LGALS3: variants seen among roughly 807,000 people sequenced by gnomAD.
The protein encoded by LGALS3 is galectin-3.
In LGALS3, 18 loss-of-function variants were observed where a neutral mutation model predicts 20.7. The observed-to-expected ratio is 0.87, with a 90% CI of 0.60 to 1.29. The LOEUF (loss-of-function observed/expected upper bound fraction) is 1.29, where lower values mean the gene tolerates loss of function less well. Among genes scored for constraint, LGALS3 ranks in the 50% most tolerant of loss-of-function variants. The pLI is 0.00. For missense variants in LGALS3, 315 were observed against 314.7 expected, an observed-to-expected ratio of 1.00 and a Z score of -0.01; for synonymous variants, 112 against 119.6, an observed-to-expected ratio of 0.94 and a Z score of 0.42.
intron 1 of LGALS3, among the ~76,000 whole-genome samples, chr14:55,136,393 A>G (rs1881395565): frequency 2.0e-5 from 3 of 151,828 alleles, no homozygotes. Flanking sequence ...TCTTAGAAGT[A>G]AGCTTTCTGG....
chr14:55,136,336 T>C (rs1477321872), intron 1 of LGALS3, among the ~76,000 whole-genome samples: 1 of 152,026 alleles, frequency 6.6e-6, no homozygotes, highest in African/African-American at 2.4e-5. Flanking sequence ...ACATACAAAC[T>C]TCAGCTCCCC....
Position 55,140,292 on chromosome 14 carries a change from G to A in LGALS3, c.360G>A (p.Leu120=). 6.2e-7 allele frequency: 1 copy of A among 1,613,080 alleles called. No homozygotes were observed. The change falls in exon 4 of 6, where the codon CTG becomes CTA. Residue 120 remains leucine (L), a synonymous_variant. Transcript: ENST00000254301. Reference sequence around the variant, plus strand: ...ATTCCCAGATTGTGCCTTATAACCTGCCTTTGCCTGGGGGAGTGGTGCCTC... The same window carrying A: ...ATTCCCAGATTGTGCCTTATAACCTACCTTTGCCTGGGGGAGTGGTGCCTC... ...PAGPLIVPYN[L]PLPGGVVPRM...
intron 4 of LGALS3, 64 bp downstream of exon 4, chr14:55,140,427 C>T: frequency 9.6e-7 from 1 of 1,041,294 alleles, no homozygotes; most frequent in Non-Finnish European, 1.4e-6. Context: ...AAAGAATGGC[C>T]TACTTTTTTT....
intron 3 of LGALS3, 95 bp downstream of exon 3, chr14:55,138,463 G>A: frequency 7.7e-7 from 1 of 1,290,650 alleles, no homozygotes; most frequent in South Asian, 1.2e-5. Context: ...ACTTCTCAAG[G>A]GCCAGCCATG....
chr14:55,132,091 T>G (rs1881248730), intron 1 of LGALS3, among the ~76,000 whole-genome samples: 1 of 152,226 alleles, frequency 6.6e-6, no homozygotes, highest in Non-Finnish European at 1.5e-5. Context: ...ACAACTGGAC[T>G]GATTGCTGGG....
chr14:55,143,479 T>A (rs1441495249), intron 5 of LGALS3: 1 of 343,246 alleles, frequency 2.9e-6, no homozygotes, highest in Non-Finnish European at 5.7e-6. Context: ...TGGAGTACAG[T>A]GGCACGATCT....
chr14:55,143,794 C>T (rs1881717652), intron 5 of LGALS3: 1 of 151,954 alleles, frequency 6.6e-6, no homozygotes, highest in African/African-American at 2.4e-5. Context: ...AGAATAGAAA[C>T]ACTCCAACCT....
chr14:55,142,741 C>T lies in LGALS3; in HGVS notation c.589C>T (p.Pro197Ser). ...QSVFPFESGKPFKIQVLVEPD... is the reference protein window; with the variant it reads ...QSVFPFESGKSFKIQVLVEPD... The stretch of plus-strand genomic sequence containing the variant: ...GGTTTTCCCATTTGAAAGTGGGAAA[C>T]CATTCAAAGTAAGTTATTGCTACTA... Residue 197 changes from proline (P) to serine (S), a missense_variant, in exon 5 of 6, where the codon CCA (proline) becomes TCA (serine). Pro to Ser is a moderately conservative substitution (Grantham distance 74). Transcript: ENST00000254301. The T allele has an allele frequency of 1.2e-6, 2 of 1,611,116 alleles. No homozygotes were observed. The highest frequency in any genetic ancestry group is 3.3e-5 in the Admixed American group (2 of 59,988).
intron 3 of LGALS3, 69 bp from the exon 4 acceptor site, chr14:55,140,206 T>C: frequency 1.0e-6 from 1 of 986,470 alleles, no homozygotes; most frequent in East Asian, 2.5e-5. Context: ...GATGGAACTT[T>C]AGCAACATCG....
At chr14:55,132,784 G>C (rs1400613008) in intron 1 of LGALS3, among the ~76,000 whole-genome samples, 1 of 152,040 alleles carries the variant, frequency 6.6e-6, no homozygotes, top group Non-Finnish European at 1.5e-5. Flanking sequence ...GGCCAGGCTG[G>C]TCTCAAAACC....
chr14:55,133,353 G>A (rs572845069), intron 1 of LGALS3, among the ~76,000 whole-genome samples: 41 of 152,166 alleles, frequency 2.7e-4, no homozygotes, highest in African/African-American at 8.4e-4. Flanking sequence ...TATTTTCAGG[G>A]GATGCATTCC....
At chr14:55,137,830 G>A in intron 2 of LGALS3, 1 of 1,300,890 alleles carries the variant, frequency 7.7e-7, no homozygotes, top group Admixed American at 3.7e-5. Context: ...TGAGACGTTG[G>A]GAGGCAAGAA....
At chr14:55,131,846 A>T (rs966454028) in intron 1 of LGALS3, among the ~76,000 whole-genome samples, 13 of 152,210 alleles carry the variant, frequency 8.5e-5, no homozygotes, top group Non-Finnish European at 1.5e-4. Context: ...CTAGGAAAGG[A>T]CCAGTTCCCC....
intron 4 of LGALS3, among the ~76,000 whole-genome samples, chr14:55,141,013 A>G (rs1881604561): frequency 6.6e-6 from 1 of 152,200 alleles, no homozygotes; most frequent in South Asian, 2.1e-4. Flanking sequence ...CCCTAAGGTT[A>G]GTGGAACTGT....
intron 4 of LGALS3, among the ~76,000 whole-genome samples, chr14:55,141,145 T>C (rs1881609128): frequency 6.6e-6 from 1 of 152,216 alleles, no homozygotes; most frequent in African/African-American, 2.4e-5. Flanking sequence ...AATCAAGAGA[T>C]GGACTTCACT....
At chr14:55,138,788 A>G (rs1881515458) in intron 3 of LGALS3, among the ~76,000 whole-genome samples, 1 of 152,180 alleles carries the variant, frequency 6.6e-6, no homozygotes, top group Non-Finnish European at 1.5e-5. Context: ...CATTGAGCAA[A>G]CATGTAGAGG....
At position 55,138,288 on chromosome 14, in the gene LGALS3, G is replaced by A; in HGVS notation, c.262G>A (p.Ala88Thr). ...VYPGPPSGPGAYPSSGQPSAT... is the reference protein window; with the variant it reads ...VYPGPPSGPGTYPSSGQPSAT... ...CCCAGGGCCACCCAGCGGCCCTGGGGCCTACCCATCTTCTGGACAGCCAAG... is the reference window on the plus strand; with the variant it reads ...CCCAGGGCCACCCAGCGGCCCTGGGACCTACCCATCTTCTGGACAGCCAAG... Residue 88 changes from alanine to threonine, a missense_variant, in exon 3 of 6, where the codon GCC (alanine) becomes ACC (threonine). Ala to Thr is a moderately conservative substitution (Grantham distance 58, BLOSUM62 0). Coordinates refer to ENST00000254301, the MANE Select transcript of LGALS3 (RefSeq NM_002306.4). The A allele has an allele frequency of 6.2e-7, 1 of 1,612,758 alleles. No individual in the cohort carries two copies. Among genetic ancestry groups the A allele is most frequent in the Non-Finnish European group, 8.5e-7 (1 of 1,179,798 alleles).
intron 4 of LGALS3, 144 bp downstream of exon 4, chr14:55,140,507 T>C (rs1339994406): frequency 1.7e-6 from 1 of 580,776 alleles, no homozygotes; most frequent in Non-Finnish European, 3.1e-6. Context: ...TTTAGAATCT[T>C]GGCTATACCA....
At chr14:55,143,416 C>A in intron 5 of LGALS3, 1 of 376,178 alleles carries the variant, frequency 2.7e-6, no homozygotes, top group Non-Finnish European at 5.1e-6. Flanking sequence ...AATATTGTTA[C>A]TTAATAGCAC....
Sources: gnomAD v4.1 joint callset for allele counts (sites outside exome capture counted in the v4.1 genomes callset) on GRCh38, gnomAD v4.1.1 for gene constraint, MANE v1.5 for transcripts, NCBI Gene and HGNC (gene_info 2026-07-23, HGNC 2026-07-21) for gene names.